Variants in PLAAT3 observed in about 807,000 individuals in gnomAD.
PLAAT3 encodes phospholipase A and acyltransferase 3.
PLAAT3 carries 21 observed loss-of-function variants against 16.7 expected under a neutral mutation model. The observed-to-expected ratio is 1.26, with a 90% CI of 0.89 to 1.81. PLAAT3 has a LOEUF of 1.81. Among genes scored for constraint, PLAAT3 ranks in the 40% most tolerant of loss-of-function variants. The probability of loss-of-function intolerance (pLI) is 0.00; values close to 1 mark genes in which losing one functional copy is unlikely to be tolerated. For synonymous variants in PLAAT3, 76 were observed against 81.7 expected (o/e 0.93, Z 0.38); for missense variants, 219 against 213.7 (o/e 1.02, Z -0.16).
intron 4 of PLAAT3, among the ~76,000 whole-genome samples, chr11:63,583,986 T>G (rs1464663120): frequency 6.6e-6 from 1 of 152,306 alleles, no homozygotes; most frequent in Middle Eastern, 3.4e-3. Flanking sequence ...GTGGAGATAG[T>G]AGTGTTATTC....
intron 4 of PLAAT3, among the ~76,000 whole-genome samples, chr11:63,579,910 T>A (rs1590681190): frequency 2.1e-5 from 3 of 144,674 alleles, no homozygotes; most frequent in Non-Finnish European, 4.5e-5. Flanking sequence ...AATGGAGCAA[T>A]GCCTCCAAAA....
At chr11:63,583,734 A>C (rs1937885910) in intron 4 of PLAAT3, among the ~76,000 whole-genome samples, 1 of 152,206 alleles carries the variant, frequency 6.6e-6, no homozygotes, top group Admixed American at 6.5e-5. Flanking sequence ...ACAGGTCTTA[A>C]ATCAGGATAT....
intron 2 of PLAAT3, among the ~76,000 whole-genome samples, chr11:63,604,928 A>C (rs1230851426): frequency 6.6e-6 from 1 of 152,206 alleles, no homozygotes; most frequent in Admixed American, 6.5e-5. Flanking sequence ...AAAGCTCTAT[A>C]ACAATATCCT....
At chr11:63,579,034 AC>A (rs1468783006) in intron 4 of PLAAT3, among the ~76,000 whole-genome samples, 1 of 152,230 alleles carries the variant, frequency 6.6e-6, no homozygotes, top group African/African-American at 2.4e-5. Context: ...AAGAAAAAAA[AC>A]AAACAACCCC....
chr11:63,584,527 T>G (rs555916795), intron 4 of PLAAT3, among the ~76,000 whole-genome samples: 13 of 151,112 alleles, frequency 8.6e-5, no homozygotes, highest in East Asian at 1.9e-4. Flanking sequence ...TGTTTTTTTT[T>G]TTTTGAGACA....
intron 4 of PLAAT3, among the ~76,000 whole-genome samples, chr11:63,582,399 C>T (rs1486003207): frequency 2.0e-5 from 3 of 152,142 alleles, no homozygotes; most frequent in African/African-American, 4.8e-5. Context: ...CTGGGATAGA[C>T]GTGTCCAAGC....
chr11:63,592,860 T>C (rs1475982785), intron 3 of PLAAT3, among the ~76,000 whole-genome samples: 1 of 152,200 alleles, frequency 6.6e-6, no homozygotes, highest in Non-Finnish European at 1.5e-5. Context: ...CCAGCTCTAA[T>C]TTCTACAGTT....
intron 4 of PLAAT3, among the ~76,000 whole-genome samples, chr11:63,579,438 G>A (rs1011686998): frequency 4.6e-5 from 7 of 152,008 alleles, no homozygotes; most frequent in Admixed American, 4.6e-4. Context: ...GTTTATTGCA[G>A]CACTATTCAC....
intron 4 of PLAAT3, among the ~76,000 whole-genome samples, chr11:63,583,587 ACT>A (rs978189797): frequency 1.1e-4 from 17 of 151,608 alleles, no homozygotes; most frequent in Admixed American, 6.6e-4. Context: ...GATGGGAAAA[ACT>A]CTCTCTCCAA....
At chr11:63,591,066 G>A (rs1938140562) in intron 3 of PLAAT3, among the ~76,000 whole-genome samples, 1 of 152,170 alleles carries the variant, frequency 6.6e-6, no homozygotes, top group Non-Finnish European at 1.5e-5. Context: ...GGGAGAGGCA[G>A]GCACTGAGTA....
upstream of PLAAT3, among the ~76,000 whole-genome samples, chr11:63,615,406 ATGTG>A (rs1187931837): frequency 5.3e-3 from 39 of 7,386 alleles, 12 homozygotes; most frequent in Middle Eastern, 0.5. Flanking sequence ...ATGTGTGTAT[ATGTG>A]TGTGTGTGTG....
At position 63,577,970 on chromosome 11, in the gene PLAAT3, G is replaced by GA. The variant is rs200430234; in HGVS notation, c.388-2925dup. Among the ~76,000 whole-genome samples the GA allele has an allele frequency of 1.5e-3, 232 of 151,964 alleles. 1 individual carries two copies. Among genetic ancestry groups the GA allele is most frequent in the African/African-American group, 5.0e-3 (209 of 41,450 alleles). The stretch of plus-strand genomic sequence containing the variant: ...AAAATAAAGAAATAGAAACCAAAGG[G>GA]AAAAAAATAAAATAAAAAACAGAAC... On this transcript the variant is annotated intron_variant, in intron 4 of 4. Transcript: ENST00000415826.
intron 4 of PLAAT3, among the ~76,000 whole-genome samples, chr11:63,583,413 C>T (rs1416887203): frequency 6.6e-6 from 1 of 152,134 alleles, no homozygotes; most frequent in Non-Finnish European, 1.5e-5. Flanking sequence ...TATAGAACCT[C>T]ATGGTGTGAA....
Position 63,614,010 on chromosome 11 carries a change from C to T in PLAAT3, c.5G>A (p.Arg2His), listed in dbSNP as rs940875270. The T allele has an allele frequency of 5.6e-6, 9 of 1,607,928 alleles. No homozygotes were observed. Among genetic ancestry groups the T allele is most frequent in the Admixed American group, 5.0e-5 (3 of 59,924 alleles). The change falls in exon 2 of 5, where the codon CGT (arginine) becomes CAT (histidine). Residue 2 changes from arginine (R) to histidine (H), a missense_variant. Transcript: ENST00000415826. Reference sequence around the variant, plus strand: ...TCGCCCCGCACTTACAATGGGCGCACGCATCTTCCCTCGCGGTGTGGACCC... The same window carrying T: ...TCGCCCCGCACTTACAATGGGCGCATGCATCTTCCCTCGCGGTGTGGACCC... Reference protein sequence around the residue: MRAPIPEPKPGD... With the variant: MHAPIPEPKPGD...
intron 2 of PLAAT3, chr11:63,608,366 T>TGGA (rs1938619593): frequency 7.2e-5 from 11 of 152,210 alleles, no homozygotes; most frequent in Admixed American, 7.2e-4. Flanking sequence ...TAACATCACC[T>TGGA]GCCCAGGGCA....
At chr11:63,581,463 C>A (rs975835323) in intron 4 of PLAAT3, among the ~76,000 whole-genome samples, 2 of 152,148 alleles carry the variant, frequency 1.3e-5, no homozygotes, top group Admixed American at 6.6e-5. Flanking sequence ...TCCTGCAGTA[C>A]CCTCAGGCTT....
At chr11:63,583,612 C>A (rs1937883673) in intron 4 of PLAAT3, among the ~76,000 whole-genome samples, 1 of 152,184 alleles carries the variant, frequency 6.6e-6, no homozygotes, top group Non-Finnish European at 1.5e-5. Flanking sequence ...GTCAGTGCTA[C>A]CTTCAGATGC....
At chr11:63,613,929 C>T (rs962666759) in intron 2 of PLAAT3, 71 bp downstream of exon 2, 1 of 958,856 alleles carries the variant, frequency 1.0e-6, no homozygotes, top group South Asian at 1.3e-5. Flanking sequence ...GTAATTCAGG[C>T]TCCGAGACAA....
chr11:63,578,813 C>CA (rs1321827846), intron 4 of PLAAT3, among the ~76,000 whole-genome samples: 1 of 151,370 alleles, frequency 6.6e-6, no homozygotes, highest in Non-Finnish European at 1.5e-5. Context: ...TAGGCATGGG[C>CA]AAGGACTTCA....
Sources: gnomAD v4.1 joint callset for allele counts (sites outside exome capture counted in the v4.1 genomes callset) on GRCh38, gnomAD v4.1.1 for gene constraint, MANE v1.5 for transcripts, NCBI Gene and HGNC (gene_info 2026-07-23, HGNC 2026-07-21) for gene names.